The following STXBP6 variants were observed in gnomAD, a reference collection of about 807,000 sequenced individuals.
STXBP6 encodes syntaxin-binding protein 6.
Under a neutral mutation model 26.9 loss-of-function variants are expected in STXBP6, and 21 were observed. The observed-to-expected ratio is 0.78, with a 90% CI of 0.55 to 1.12. The LOEUF is 1.12. STXBP6 is among the 50% of genes most tolerant of loss of function. The pLI, the probability that STXBP6 is intolerant of heterozygous loss-of-function variation, is 0.00. For synonymous variants in STXBP6, 97 were observed against 92.6 expected (o/e 1.05, Z -0.27); for missense variants, 232 against 257.9 (o/e 0.90, Z 0.69).
chr14:24,826,042 TTA>T (rs2068270981), intron 4 of STXBP6, among the ~76,000 whole-genome samples: 1 of 152,194 alleles, frequency 6.6e-6, no homozygotes, highest in Non-Finnish European at 1.5e-5. Flanking sequence ...CTGTCTTGGG[TTA>T]TGTTTGCTGA....
At chr14:25,024,112 A>C (rs915405936) in intron 1 of STXBP6, among the ~76,000 whole-genome samples, 30 of 152,170 alleles carry the variant, frequency 2.0e-4, no homozygotes, top group African/African-American at 6.5e-4. Context: ...GATCGAGACC[A>C]TCCTGGCTAA....
intron 1 of STXBP6, among the ~76,000 whole-genome samples, chr14:24,998,450 G>GA (rs1241634916): frequency 6.6e-6 from 1 of 152,086 alleles, no homozygotes; most frequent in East Asian, 1.9e-4. Context: ...GGAAATAAAA[G>GA]AAAAACTGCC....
Position 24,811,801 on chromosome 14 carries a change from T to C in STXBP6, c.*908A>G, listed in dbSNP as rs1417257910. 1.3e-5 allele frequency: 2 copies of C among 152,190 alleles called. No individual in the cohort carries two copies. Among genetic ancestry groups the C allele is most frequent in the African/African-American group, 4.8e-5 (2 of 41,448 alleles). 9.4% of individuals were successfully genotyped at this position (152,190 alleles called of 1,614,324 possible). A position where few individuals can be genotyped will look rare whatever the true frequency, so the allele number is the denominator to read the frequency against. ...TGACTGTAAAAAGACAAGACAAACA[T>C]TTTAAATGTACTACTTGTTCACATT... On this transcript the variant is annotated 3_prime_UTR_variant, in exon 6 of 6. Transcript: ENST00000323944.
chr14:24,986,345 G>C (rs752414769), intron 1 of STXBP6, among the ~76,000 whole-genome samples: 1 of 152,142 alleles, frequency 6.6e-6, no homozygotes, highest in Non-Finnish European at 1.5e-5. Flanking sequence ...ACTAACTCTG[G>C]CCAAGCTCCA....
chr14:24,862,146 G>A (rs986904941), intron 2 of STXBP6, among the ~76,000 whole-genome samples: 1 of 152,024 alleles, frequency 6.6e-6, no homozygotes, highest in African/African-American at 2.4e-5. Context: ...TACAACACAT[G>A]TGTGCCACTA....
chr14:24,826,854 C>T (rs1167572004), intron 4 of STXBP6, among the ~76,000 whole-genome samples: 2 of 152,174 alleles, frequency 1.3e-5, no homozygotes, highest in Non-Finnish European at 2.9e-5. Flanking sequence ...AGATAAGTTA[C>T]TTAATCTCTA....
intron 4 of STXBP6, among the ~76,000 whole-genome samples, chr14:24,825,725 G>A (rs2068261724): frequency 6.6e-6 from 1 of 152,134 alleles, no homozygotes; most frequent in Non-Finnish European, 1.5e-5. Context: ...AGACAACTAT[G>A]AGTTCATACT....
intron 4 of STXBP6, among the ~76,000 whole-genome samples, chr14:24,824,824 T>C (rs1356986841): frequency 6.6e-6 from 1 of 152,244 alleles, no homozygotes; most frequent in Non-Finnish European, 1.5e-5. Context: ...GCAGGTACTA[T>C]GGTAAGATGT....
At chr14:25,040,586 TAA>T in intron 1 of STXBP6, among the ~76,000 whole-genome samples, 1 of 152,238 alleles carries the variant, frequency 6.6e-6, no homozygotes, top group Non-Finnish European at 1.5e-5. Context: ...TAGGTAGTAT[TAA>T]ATAAAAATTT....
At chr14:24,932,081 C>T (rs904213600) in intron 2 of STXBP6, among the ~76,000 whole-genome samples, 1 of 152,020 alleles carries the variant, frequency 6.6e-6, no homozygotes, top group Non-Finnish European at 1.5e-5. Context: ...CCACAGCACC[C>T]ACATTTGGAT....
chr14:24,852,713 A>G (rs1356995652), intron 4 of STXBP6, among the ~76,000 whole-genome samples: 1 of 152,154 alleles, frequency 6.6e-6, no homozygotes, highest in African/African-American at 2.4e-5. Flanking sequence ...AAAAGTTAAA[A>G]CTATCCATAA....
chr14:24,989,123 C>T (rs1223103579), intron 1 of STXBP6, among the ~76,000 whole-genome samples: 1 of 152,176 alleles, frequency 6.6e-6, no homozygotes, highest in Non-Finnish European at 1.5e-5. Context: ...CTCGCACCCC[C>T]CACCATCTCT....
chr14:24,961,841 TTCTC>T (rs1301013919), intron 2 of STXBP6, among the ~76,000 whole-genome samples: 8 of 152,244 alleles, frequency 5.3e-5, no homozygotes, highest in Non-Finnish European at 1.2e-4. Flanking sequence ...TCACCCTGGT[TTCTC>T]TCTGTGTTCA....
intron 1 of STXBP6, among the ~76,000 whole-genome samples, chr14:25,025,148 T>C (rs1371520350): frequency 6.6e-6 from 1 of 152,176 alleles, no homozygotes; most frequent in Non-Finnish European, 1.5e-5. Context: ...ATAAGACAGA[T>C]AGGCTTAACT....
At chr14:24,905,702 T>C (rs945372137) in intron 2 of STXBP6, among the ~76,000 whole-genome samples, 1 of 152,234 alleles carries the variant, frequency 6.6e-6, no homozygotes, top group African/African-American at 2.4e-5. Context: ...ATTTCTAAAA[T>C]GCTGTCTTTC....
At chr14:24,912,441 CAA>C (rs373713561) in intron 2 of STXBP6, among the ~76,000 whole-genome samples, 215 of 101,020 alleles carry the variant, frequency 2.1e-3, no homozygotes, top group Non-Finnish European at 3.4e-3. Context: ...AAGTGAATGC[CAA>C]AAAAAAAAAA....
chr14:24,918,484 A>T (rs2071857020), intron 2 of STXBP6, among the ~76,000 whole-genome samples: 1 of 146,014 alleles, frequency 6.8e-6, no homozygotes, highest in African/African-American at 2.7e-5. Context: ...ACACACACAC[A>T]CACACACACA....
At chr14:24,851,045 T>C (rs1402573945) in intron 4 of STXBP6, among the ~76,000 whole-genome samples, 1 of 152,128 alleles carries the variant, frequency 6.6e-6, no homozygotes, top group Non-Finnish European at 1.5e-5. Context: ...ATTAGGCATA[T>C]GAATACTAGG....
At chr14:24,982,184 A>AT (rs770337482) in intron 1 of STXBP6, among the ~76,000 whole-genome samples, 12 of 152,220 alleles carry the variant, frequency 7.9e-5, no homozygotes, top group Admixed American at 2.0e-4. Flanking sequence ...TGGAAGACCT[A>AT]TCAAAATACA....
Sources: allele counts gnomAD v4.1 joint callset (sites outside exome capture counted in the v4.1 genomes callset), GRCh38; gene constraint gnomAD v4.1.1; transcripts MANE v1.5; gene names NCBI Gene and HGNC (gene_info 2026-07-23, HGNC 2026-07-21).